The following NCKAP5 variants were observed in gnomAD, a reference collection of about 807,000 sequenced individuals.
NCKAP5 encodes NCK associated protein 5.
In NCKAP5, 92 loss-of-function variants were observed where a neutral mutation model predicts 167.0. The observed-to-expected ratio is 0.55, with a 90% CI of 0.47 to 0.66. The LOEUF (loss-of-function observed/expected upper bound fraction) is 0.66, where lower values mean the gene tolerates loss of function less well. Ranked by LOEUF, NCKAP5 falls within the 30% of genes least tolerant of loss-of-function variation. NCKAP5 has a pLI of 0.00. For synonymous variants in NCKAP5, 891 were observed against 877.4 expected, an observed-to-expected ratio of 1.02 and a Z score of -0.27; for missense variants, 2,378 against 2,315.0, an observed-to-expected ratio of 1.03 and a Z score of -0.56.
intron 8 of NCKAP5, among the ~76,000 whole-genome samples, chr2:132,910,918 G>A (rs878898158): frequency 6.6e-6 from 1 of 152,126 alleles, no homozygotes; most frequent in Non-Finnish European, 1.5e-5. Flanking sequence ...TATCTCATAA[G>A]CATCAGTACT....
At chr2:132,914,136 A>G (rs1694675889) in intron 8 of NCKAP5, among the ~76,000 whole-genome samples, 1 of 152,188 alleles carries the variant, frequency 6.6e-6, no homozygotes, top group Non-Finnish European at 1.5e-5. Flanking sequence ...CAGTAAGCCA[A>G]ATTTCTTTCA....
intron 8 of NCKAP5, among the ~76,000 whole-genome samples, chr2:132,904,857 T>C (rs1693890794): frequency 6.6e-6 from 1 of 152,238 alleles, no homozygotes; most frequent in Non-Finnish European, 1.5e-5. Flanking sequence ...GAGTTTATAC[T>C]AAATCTTCAT....
intron 10 of NCKAP5, among the ~76,000 whole-genome samples, chr2:132,867,328 G>A (rs1020398306): frequency 3.3e-5 from 5 of 152,084 alleles, no homozygotes; most frequent in South Asian, 2.1e-4. Context: ...AAAAACAATC[G>A]AGAAATTAAA....
intron 6 of NCKAP5, among the ~76,000 whole-genome samples, chr2:133,079,128 G>A (rs1045542990): frequency 1.4e-4 from 21 of 152,118 alleles, no homozygotes; most frequent in South Asian, 2.1e-4. Context: ...GGCTATCCTG[G>A]AATCATTTCA....
rs1692431430 is a variant in NCKAP5, at chr2:132,888,508, G to A, written c.580-9592C>T. On this transcript the variant is annotated intron_variant, in intron 8 of 19. Coordinates refer to ENST00000409261, the MANE Select transcript of NCKAP5 (RefSeq NM_207363.3). Reference sequence around the variant, plus strand: ...GGTTCAAGCAATTTCTCCCACCTCAGCCTCCTGAGCAGCTGGGACTACAGG... The same window carrying A: ...GGTTCAAGCAATTTCTCCCACCTCAACCTCCTGAGCAGCTGGGACTACAGG... Among the ~76,000 whole-genome samples the A allele has an allele frequency of 2.6e-5, 4 of 152,136 alleles. No homozygotes were observed. In the South Asian group the frequency reaches 8.3e-4, roughly 32 times the overall value.
intron 11 of NCKAP5, among the ~76,000 whole-genome samples, chr2:132,806,974 C>T (rs557740795): frequency 1.1e-4 from 16 of 152,234 alleles, no homozygotes; most frequent in South Asian, 2.1e-4. Flanking sequence ...CTCCTACATG[C>T]GGCTAGCCAA....
At chr2:133,203,321 A>G (rs2085788538) in intron 5 of NCKAP5, among the ~76,000 whole-genome samples, 1 of 152,134 alleles carries the variant, frequency 6.6e-6, no homozygotes, top group Non-Finnish European at 1.5e-5. Flanking sequence ...GTTCTCACTC[A>G]TAGGTGGGAA....
chr2:132,874,775 C>T (rs553524240), intron 9 of NCKAP5, among the ~76,000 whole-genome samples: 1 of 152,202 alleles, frequency 6.6e-6, no homozygotes, highest in South Asian at 2.1e-4. Flanking sequence ...ATTTCCTGTC[C>T]CTGCATACTG....
intron 4 of NCKAP5, among the ~76,000 whole-genome samples, chr2:133,236,280 C>T (rs193217527): frequency 1.6e-3 from 242 of 152,078 alleles, no homozygotes; most frequent in Non-Finnish European, 3.1e-3. Context: ...AAAACCAGAG[C>T]CAGAGGCTCA....
At chr2:133,024,562 T>C (rs2078632665) in intron 6 of NCKAP5, among the ~76,000 whole-genome samples, 1 of 152,236 alleles carries the variant, frequency 6.6e-6, no homozygotes, top group Non-Finnish European at 1.5e-5. Context: ...TTTAGTACAC[T>C]AAATGTAGGA....
intron 3 of NCKAP5, among the ~76,000 whole-genome samples, chr2:133,306,348 G>A (rs1680776898): frequency 6.6e-6 from 1 of 152,154 alleles, no homozygotes; most frequent in African/African-American, 2.4e-5. Flanking sequence ...AATGCAACAT[G>A]GAACCCATGA....
intron 6 of NCKAP5, among the ~76,000 whole-genome samples, chr2:133,104,599 C>T (rs1391494951): frequency 1.3e-5 from 2 of 152,194 alleles, no homozygotes; most frequent in Non-Finnish European, 2.9e-5. Flanking sequence ...TCCTTAATTC[C>T]CTTCAGGGCA....
At chr2:132,870,364 C>A (rs1244075881) in intron 9 of NCKAP5, among the ~76,000 whole-genome samples, 1 of 152,168 alleles carries the variant, frequency 6.6e-6, no homozygotes, top group Non-Finnish European at 1.5e-5. Context: ...CTAATACATA[C>A]ACTGTAAACA....
At chr2:133,595,010 A>G in the NCKAP5 span, among the ~76,000 whole-genome samples, 1 of 152,166 alleles carries the variant, frequency 6.6e-6, no homozygotes. Flanking sequence ...TACCTGAAAT[A>G]TAATGGAATT....
At chr2:133,104,936 G>T (rs889621895) in intron 6 of NCKAP5, among the ~76,000 whole-genome samples, 7 of 152,136 alleles carry the variant, frequency 4.6e-5, no homozygotes, top group Non-Finnish European at 8.8e-5. Flanking sequence ...CCTTGTGAAG[G>T]CTGAAGCAAA....
At chr2:133,122,599 C>T (rs1304254405) in intron 6 of NCKAP5, 1 of 152,134 alleles carries the variant, frequency 6.6e-6, no homozygotes, top group Non-Finnish European at 1.5e-5. Context: ...CTTTTGCCAG[C>T]CAAGTTCCCC....
At chr2:133,630,378 AAGAT>A in the NCKAP5 span, among the ~76,000 whole-genome samples, 1 of 152,218 alleles carries the variant, frequency 6.6e-6, no homozygotes, top group African/African-American at 2.4e-5. Flanking sequence ...AAAATGTTCT[AAGAT>A]AGACTGTAGT....
At chr2:132,724,349 C>T (rs1203661836) in intron 19 of NCKAP5, among the ~76,000 whole-genome samples, 1 of 152,172 alleles carries the variant, frequency 6.6e-6, no homozygotes, top group African/African-American at 2.4e-5. Context: ...TGTCCATTTA[C>T]TCACTGCTGG....
intron 7 of NCKAP5, among the ~76,000 whole-genome samples, chr2:132,971,941 T>A (rs767424922): frequency 6.6e-6 from 1 of 152,224 alleles, no homozygotes; most frequent in Non-Finnish European, 1.5e-5. Context: ...CAAGACTAAG[T>A]GCGTCTGGAC....
Sources: gnomAD v4.1 joint callset for allele counts (sites outside exome capture counted in the v4.1 genomes callset) on GRCh38, gnomAD v4.1.1 for gene constraint, MANE v1.5 for transcripts, NCBI Gene and HGNC (gene_info 2026-07-23, HGNC 2026-07-21) for gene names.